Variants in SPEF2 observed in about 807,000 individuals in gnomAD.
The protein encoded by SPEF2 is sperm flagellar and cilia associated 2, also known as sperm flagella and cilia-associated protein 2.
In SPEF2, 187 loss-of-function variants were observed where a neutral mutation model predicts 224.6. That is an observed-to-expected ratio of 0.83 (90% CI 0.74 to 0.94). The LOEUF is 0.94. SPEF2 is among the 40% of genes least tolerant of loss of function. The probability of loss-of-function intolerance (pLI) is 0.00; values close to 1 mark genes in which losing one functional copy is unlikely to be tolerated. For synonymous variants in SPEF2, 715 were observed against 707.3 expected (o/e 1.01, Z -0.17); for missense variants, 2,170 against 2,135.6 (o/e 1.02, Z -0.32).
chr5:35,641,777 A>G, intron 3 of SPEF2, 94 bp downstream of exon 3: 4 of 1,312,700 alleles, frequency 3.0e-6, no homozygotes, highest in Middle Eastern at 2.8e-4. Context: ...AAGCCTCATT[A>G]GGCATATATA....
At chr5:35,795,592 C>A in intron 32 of SPEF2, 111 bp from the exon 33 acceptor site, 2 of 805,584 alleles carry the variant, frequency 2.5e-6, no homozygotes, top group Non-Finnish European at 3.9e-6. Context: ...CTGCATCCTA[C>A]TTGGGAGACA....
chr5:35,703,102 A>AT (rs77487179), intron 16 of SPEF2, among the ~76,000 whole-genome samples: 37 of 102,012 alleles, frequency 3.6e-4, no homozygotes, highest in Admixed American at 1.4e-3. Context: ...TTACTTTTTT[A>AT]TTTTTTTTTT....
At chr5:35,804,008 C>T (rs966630818) in intron 34 of SPEF2, among the ~76,000 whole-genome samples, 4 of 152,190 alleles carry the variant, frequency 2.6e-5, no homozygotes, top group African/African-American at 9.7e-5. Flanking sequence ...TTCGTTCTGC[C>T]ACCTGTGTGG....
chr5:35,675,446 C>G (rs1296990675), intron 10 of SPEF2, among the ~76,000 whole-genome samples: 1 of 151,964 alleles, frequency 6.6e-6, no homozygotes, highest in Admixed American at 6.6e-5. Context: ...AGTGTTACCT[C>G]TAACTCCCTA....
At chr5:35,705,155 G>A (rs918589851) in intron 17 of SPEF2, among the ~76,000 whole-genome samples, 9 of 152,124 alleles carry the variant, frequency 5.9e-5, no homozygotes, top group Middle Eastern at 3.4e-3. Context: ...AGTAATTTGA[G>A]CTACATTAAG....
intron 20 of SPEF2, among the ~76,000 whole-genome samples, chr5:35,722,455 GTT>G (rs34105107): frequency 1.7e-4 from 25 of 148,912 alleles, no homozygotes; most frequent in African/African-American, 5.7e-4. Context: ...ACAGTGAGAG[GTT>G]TTTTTTTGTT....
chr5:35,659,846 T>C (rs903924828), intron 8 of SPEF2, among the ~76,000 whole-genome samples: 2 of 152,066 alleles, frequency 1.3e-5, no homozygotes, highest in Non-Finnish European at 2.9e-5. Flanking sequence ...TTTAAGCTGC[T>C]TCCTTTCAAC....
intron 4 of SPEF2, 117 bp downstream of exon 4, chr5:35,644,642 C>T: frequency 1.4e-6 from 1 of 733,022 alleles, no homozygotes; most frequent in Non-Finnish European, 2.1e-6. Context: ...TTCCCTGATG[C>T]ATGACTTTGT....
intron 34 of SPEF2, among the ~76,000 whole-genome samples, chr5:35,805,252 A>G (rs528251781): frequency 6.6e-6 from 1 of 152,236 alleles, no homozygotes; most frequent in Admixed American, 6.5e-5. Flanking sequence ...CAATGGATAT[A>G]GAGACCCAAC....
rs368578553 is a variant in SPEF2, at chr5:35,763,705, A to G, written c.3801+3A>G. The G allele has an allele frequency of 1.1e-4, 172 of 1,603,240 alleles. No individual in the cohort carries two copies. The highest frequency in any genetic ancestry group is 7.0e-5 in the Admixed American group (4 of 56,960). On this transcript the variant is annotated splice_donor_region_variant and intron_variant, in intron 26 of 36. Coordinates refer to ENST00000356031, the MANE Select transcript of SPEF2 (RefSeq NM_024867.4). ...CTTCTTTAGCAGTATCTCACATGGT[A>G]AGCAGTGCTCGTTATATTTTCTGTT... is the stretch of plus-strand genomic sequence containing the variant.
At chr5:35,746,260 G>C (rs1290296838) in intron 23 of SPEF2, among the ~76,000 whole-genome samples, 1 of 152,068 alleles carries the variant, frequency 6.6e-6, no homozygotes, top group African/African-American at 2.4e-5. Context: ...GACAAAACAA[G>C]GCTCTTTAAC....
At position 35,688,939 on chromosome 5, in the gene SPEF2, A is replaced by G. The variant is rs183268142; in HGVS notation, c.1525-2098A>G. Reference sequence around the variant, plus strand: ...GATTTGTGCCAAATATTTCCAAATGAGATTGGCTTGTAGTTTTCTTTTGGG... The same window carrying G: ...GATTTGTGCCAAATATTTCCAAATGGGATTGGCTTGTAGTTTTCTTTTGGG... On this transcript the variant is annotated intron_variant, in intron 10 of 36. Transcript: ENST00000356031. 1.1e-4 allele frequency among the ~76,000 whole-genome samples: 16 copies of G among 152,250 alleles called. No individual in the cohort carries two copies. In the East Asian group the frequency reaches 3.1e-3, roughly 29 times the overall value.
At chr5:35,670,018 A>G in intron 9 of SPEF2, 41 bp from the exon 10 acceptor site, 1 of 1,455,918 alleles carries the variant, frequency 6.9e-7, no homozygotes, top group Non-Finnish European at 9.4e-7. Flanking sequence ...TCTATATTTG[A>G]CTAACCATTG....
chr5:35,625,262 T>A (rs542808370), intron 1 of SPEF2, among the ~76,000 whole-genome samples: 82 of 152,358 alleles, frequency 5.4e-4, no homozygotes, highest in Non-Finnish European at 9.6e-4. Flanking sequence ...ACCTTTATAC[T>A]ATAAACACCT....
intron 1 of SPEF2, among the ~76,000 whole-genome samples, chr5:35,619,634 G>A (rs1277611468): frequency 1.3e-5 from 2 of 152,064 alleles, no homozygotes; most frequent in African/African-American, 2.4e-5. Context: ...CCGAGATCGC[G>A]CCACTGCACT....
chr5:35,809,042 T>C (rs1415395054), intron 36 of SPEF2, among the ~76,000 whole-genome samples: 1 of 152,014 alleles, frequency 6.6e-6, no homozygotes, highest in Admixed American at 6.6e-5. Flanking sequence ...CTTAACTTTC[T>C]CCTAATCCTG....
intron 26 of SPEF2, among the ~76,000 whole-genome samples, chr5:35,767,677 A>C (rs888901744): frequency 1.3e-5 from 2 of 152,164 alleles, no homozygotes; most frequent in African/African-American, 4.8e-5. Flanking sequence ...AAGATAGTAG[A>C]TTTATAGCCC....
chr5:35,737,600 AT>A (rs1268570044), intron 21 of SPEF2, among the ~76,000 whole-genome samples: 3 of 151,874 alleles, frequency 2.0e-5, no homozygotes, highest in African/African-American at 7.3e-5. Flanking sequence ...AATTTTCTTA[AT>A]CCAGTCTATC....
intron 36 of SPEF2, among the ~76,000 whole-genome samples, chr5:35,808,898 A>ATG (rs1758370800): frequency 6.6e-6 from 1 of 150,450 alleles, no homozygotes; most frequent in South Asian, 2.1e-4. Context: ...ATATATATAT[A>ATG]TAAAACAAGC....
Sources: gnomAD v4.1 joint callset for allele counts (sites outside exome capture counted in the v4.1 genomes callset) on GRCh38, gnomAD v4.1.1 for gene constraint, MANE v1.5 for transcripts, NCBI Gene and HGNC (gene_info 2026-07-23, HGNC 2026-07-21) for gene names.